The following RGS6 variants were observed in gnomAD, a reference collection of about 807,000 sequenced individuals.
RGS6 encodes the protein regulator of G protein signaling 6, also known as regulator of G-protein signaling 6.
In RGS6, 30 loss-of-function variants were observed where a neutral mutation model predicts 78.5. The observed-to-expected ratio is 0.38, with a 90% confidence interval of 0.29 to 0.52. The LOEUF is 0.52. Among genes scored for constraint, RGS6 ranks in the 20% least tolerant of loss-of-function variants. The pLI is 0.85. For synonymous variants in RGS6, 206 were observed against 206.0 expected (o/e 1.00, Z 0.00); for missense variants, 495 against 609.7 (o/e 0.81, Z 1.98).
intron 2 of RGS6, among the ~76,000 whole-genome samples, chr14:72,173,240 A>G (rs2097052208): frequency 6.6e-6 from 1 of 151,918 alleles, no homozygotes. Context: ...AGTGCTGCTA[A>G]CATCCTGCAG....
chr14:72,418,838 T>A (rs779355671), intron 3 of RGS6, among the ~76,000 whole-genome samples: 10 of 152,204 alleles, frequency 6.6e-5, no homozygotes, highest in Non-Finnish European at 1.3e-4. Context: ...ACCATATAGA[T>A]AAGAGGCAAG....
At chr14:72,262,254 C>T (rs2238218) in intron 2 of RGS6, among the ~76,000 whole-genome samples, 87,238 of 152,028 alleles carry the variant, frequency 0.57, 25,595 homozygotes, top group African/African-American at 0.69. Flanking sequence ...CTTTGGCTGT[C>T]GTAAGCAAGT....
At chr14:72,076,002 CT>C (rs1392804490) in intron 2 of RGS6, among the ~76,000 whole-genome samples, 1 of 152,204 alleles carries the variant, frequency 6.6e-6, no homozygotes. Flanking sequence ...ATTCTGAAAC[CT>C]TTTGTTTTCC....
chr14:72,215,531 A>G (rs1022616989), intron 2 of RGS6, among the ~76,000 whole-genome samples: 1 of 152,202 alleles, frequency 6.6e-6, no homozygotes, highest in African/African-American at 2.4e-5. Context: ...AGGCAGGGTC[A>G]TTTATAACCT....
At chr14:71,920,468 T>C in the RGS6 span, among the ~76,000 whole-genome samples, 1 of 152,166 alleles carries the variant, frequency 6.6e-6, no homozygotes, top group Non-Finnish European at 1.5e-5. Context: ...GTTGAGTGTA[T>C]ATGATGGAGT....
At chr14:71,979,142 A>T in intron 2 of RGS6, among the ~76,000 whole-genome samples, 1 of 145,924 alleles carries the variant, frequency 6.9e-6, no homozygotes, top group Non-Finnish European at 1.5e-5. Flanking sequence ...TGTCTATTTG[A>T]TTCTTCTCTC....
At chr14:72,402,837 C>T (rs2092585043) in intron 3 of RGS6, among the ~76,000 whole-genome samples, 1 of 116,480 alleles carries the variant, frequency 8.6e-6, no homozygotes, top group South Asian at 2.8e-4. Context: ...TGCTCTGTTG[C>T]CTAGTCTAGA....
chr14:71,925,066 G>A, the RGS6 span, among the ~76,000 whole-genome samples: 1 of 151,948 alleles, frequency 6.6e-6, no homozygotes, highest in African/African-American at 2.4e-5. Context: ...CCACCTCCTT[G>A]CCAACACTTG....
At chr14:72,482,689 C>A (rs1443371112) in intron 12 of RGS6, among the ~76,000 whole-genome samples, 2 of 152,164 alleles carry the variant, frequency 1.3e-5, no homozygotes, top group African/African-American at 4.8e-5. Flanking sequence ...ACTAGTTTGA[C>A]CTTTTCCACA....
chr14:72,535,578 T>G (rs918616419), intron 15 of RGS6, among the ~76,000 whole-genome samples: 1 of 152,216 alleles, frequency 6.6e-6, no homozygotes, highest in Non-Finnish European at 1.5e-5. Context: ...GCCCCATGTA[T>G]GTATGTGTGC....
chr14:72,619,870 T>C, the RGS6 span: 1 of 1,513,158 alleles, frequency 6.6e-7, no homozygotes, highest in Non-Finnish European at 8.8e-7. Context: ...TAGTATCTGT[T>C]GCTGTTCTTA....
At chr14:72,037,386 C>T (rs990765759) in intron 2 of RGS6, among the ~76,000 whole-genome samples, 3 of 152,122 alleles carry the variant, frequency 2.0e-5, no homozygotes, top group South Asian at 2.1e-4. Flanking sequence ...CGAAGGTCTG[C>T]GGCTTCATTC....
At chr14:72,018,304 T>C (rs2087546917) in intron 2 of RGS6, among the ~76,000 whole-genome samples, 3 of 152,202 alleles carry the variant, frequency 2.0e-5, no homozygotes, top group South Asian at 4.1e-4. Flanking sequence ...TTATATTCTT[T>C]TGAATTTTTC....
At chr14:72,266,184 G>T (rs551384353) in intron 2 of RGS6, among the ~76,000 whole-genome samples, 4 of 152,204 alleles carry the variant, frequency 2.6e-5, no homozygotes, top group Admixed American at 6.5e-5. Context: ...TGAACTGGAG[G>T]TGATTAAGAT....
Position 72,012,602 on chromosome 14 carries a change from C to T in RGS6, c.84+47727C>T, listed in dbSNP as rs560686471. On this transcript the variant is annotated intron_variant, in intron 2 of 17. Transcript: ENST00000553525. ...GAAAACCAGATGCTGTTAGCCACAC[C>T]ATACATATCTGTGATGTTTCCTGAC... 3.9e-5 allele frequency among the ~76,000 whole-genome samples: 6 copies of T among 152,306 alleles called. No homozygotes were observed. In the South Asian group the frequency reaches 1.2e-3, roughly 32 times the overall value.
At chr14:72,515,469 C>T (rs1567029748) in intron 14 of RGS6, among the ~76,000 whole-genome samples, 1 of 152,188 alleles carries the variant, frequency 6.6e-6, no homozygotes, top group East Asian at 1.9e-4. Context: ...AGTTCAAGAC[C>T]AGCCTGGCCA....
At position 72,001,082 on chromosome 14, in the gene RGS6, C is replaced by T. The variant is rs540946713; in HGVS notation, c.84+36207C>T. Among the ~76,000 whole-genome samples the T allele has an allele frequency of 2.6e-5, 4 of 152,296 alleles. No homozygotes were observed. The South Asian group carries it at 8.3e-4, about 32-fold the overall frequency. ...TTTTTGGTCAGTTGTTTGTGTCTGACTCCACTTTTGGCCCTGTCGTGGGGC... is the reference window on the plus strand; with the variant it reads ...TTTTTGGTCAGTTGTTTGTGTCTGATTCCACTTTTGGCCCTGTCGTGGGGC... On this transcript the variant is annotated intron_variant, in intron 2 of 17. Coordinates refer to ENST00000553525, the MANE Select transcript of RGS6 (RefSeq NM_001204424.2).
intron 2 of RGS6, among the ~76,000 whole-genome samples, chr14:72,217,045 T>A (rs80125916): frequency 8.2e-4 from 125 of 152,246 alleles, no homozygotes; most frequent in African/African-American, 2.8e-3. Flanking sequence ...AATAAAAACC[T>A]TTGTAAGGAA....
At chr14:71,971,449 T>C (rs539583569) in intron 2 of RGS6, among the ~76,000 whole-genome samples, 2 of 152,018 alleles carry the variant, frequency 1.3e-5, no homozygotes, top group East Asian at 3.9e-4. Flanking sequence ...ACATCCTTTT[T>C]GTCTACTCAT....
Sources: gnomAD v4.1 joint callset for allele counts (sites outside exome capture counted in the v4.1 genomes callset) on GRCh38, gnomAD v4.1.1 for gene constraint, MANE v1.5 for transcripts, NCBI Gene and HGNC (gene_info 2026-07-23, HGNC 2026-07-21) for gene names.